RGS3: variants seen among roughly 807,000 people sequenced by gnomAD.
RGS3 encodes regulator of G-protein signalling 3.
In RGS3, 80 loss-of-function variants were observed where a neutral mutation model predicts 132.6. The ratio of observed to expected loss-of-function variants is 0.60; its 90% CI spans 0.50 to 0.73. The LOEUF is 0.73. Among genes scored for constraint, RGS3 ranks in the 30% least tolerant of loss-of-function variants. The pLI, the probability that RGS3 is intolerant of heterozygous loss-of-function variation, is 0.00. For synonymous variants in RGS3, 598 were observed against 620.6 expected, an observed-to-expected ratio of 0.96 and a Z score of 0.54; for missense variants, 1,382 against 1,530.8, an observed-to-expected ratio of 0.90 and a Z score of 1.62.
intron 19 of RGS3, among the ~76,000 whole-genome samples, chr9:113,541,100 G>C (rs1033545872): frequency 2.0e-5 from 3 of 152,198 alleles, no homozygotes; most frequent in Non-Finnish European, 4.4e-5. Flanking sequence ...GGCCCAGGCA[G>C]GGAAACTGAG....
chr9:113,463,708 C>T lies in RGS3; in HGVS notation c.415+1507C>T. 2.8e-6 allele frequency: 4 copies of T among 1,449,436 alleles called. No homozygotes were observed. Among genetic ancestry groups the T allele is most frequent in the Non-Finnish European group, 2.7e-6 (3 of 1,101,868 alleles). The allele number at this position is 1,449,436 out of a possible 1,614,324, so 89.8% of individuals were successfully genotyped here. On this transcript the variant is annotated intron_variant, in intron 3 of 24. Coordinates refer to ENST00000350696, the Ensembl canonical transcript of RGS3. The surrounding 1 kb of genome is among the most constrained non-coding windows in gnomAD (Gnocchi z 4.6). ...ACGCTTGGGGCAGCCCTACCTCCCG[C>T]TCGCGCTCCTCCCGCCCTGGAGACT... is the stretch of plus-strand genomic sequence containing the variant.
chr9:113,547,268 A>G (rs1833154112), intron 19 of RGS3, among the ~76,000 whole-genome samples: 1 of 152,222 alleles, frequency 6.6e-6, no homozygotes, highest in Non-Finnish European at 1.5e-5. Flanking sequence ...AACAGAGTGT[A>G]TGTGTATGGC....
chr9:113,509,117 C>G (rs182442168), intron 14 of RGS3, among the ~76,000 whole-genome samples: 7 of 152,056 alleles, frequency 4.6e-5, no homozygotes, highest in African/African-American at 1.7e-4. Context: ...AACCCCGTCT[C>G]TACTAAAAAT....
chr9:113,597,003 T>C, exon 25 of RGS3: 1 of 1,475,858 alleles, frequency 6.8e-7, no homozygotes, highest in Non-Finnish European at 9.2e-7. Flanking sequence ...CTGGGTCCCC[T>C]GCCCACCTGC....
intron 1 of RGS3, among the ~76,000 whole-genome samples, chr9:113,461,076 G>A (rs1377699367): frequency 6.6e-6 from 1 of 152,074 alleles, no homozygotes; most frequent in Non-Finnish European, 1.5e-5. Flanking sequence ...ATGTATGTGA[G>A]GTGTGTATGT....
chr9:113,541,151 T>C (rs1832884796), intron 19 of RGS3, among the ~76,000 whole-genome samples: 1 of 152,186 alleles, frequency 6.6e-6, no homozygotes, highest in African/African-American at 2.4e-5. Context: ...CTCCCAGATG[T>C]GACGGTGAGG....
At chr9:113,523,668 G>A (rs1444555480) in intron 17 of RGS3, among the ~76,000 whole-genome samples, 2 of 152,118 alleles carry the variant, frequency 1.3e-5, no homozygotes, top group Non-Finnish European at 2.9e-5. Flanking sequence ...TCGTGGGAGG[G>A]GAAGCCAGCT....
chr9:113,501,743 C>T (rs1830907776), intron 10 of RGS3: 17 of 1,111,578 alleles, frequency 1.5e-5, no homozygotes, highest in Non-Finnish European at 2.2e-5. Flanking sequence ...TTTCCTGCTC[C>T]CTGCAGGCTC....
chr9:113,519,677 T>G lies in RGS3; in HGVS notation c.1758+2053T>G, dbSNP rs538597687. ...CTTCTAGGGCAGCCCATTAGAGCAG[T>G]GGTTTTTTTTTTTACTGGGAAGGGC... is the stretch of plus-strand genomic sequence containing the variant. On this transcript the variant is annotated intron_variant, in intron 16 of 24. Coordinates refer to ENST00000350696, the Ensembl canonical transcript of RGS3. Among the ~76,000 whole-genome samples the G allele has an allele frequency of 2.0e-5, 3 of 146,366 alleles. No individual in the cohort carries two copies. In the East Asian group the frequency reaches 5.9e-4, roughly 29 times the overall value.
intron 19 of RGS3, chr9:113,541,168 C>A (rs1832885942): frequency 2.7e-6 from 2 of 738,844 alleles, no homozygotes; most frequent in Non-Finnish European, 4.4e-6. Flanking sequence ...GAGGTGCGTG[C>A]CACCTTGTCA....
At position 113,507,824 on chromosome 9, in the gene RGS3, A is replaced by G. The variant is rs1341784034; in HGVS notation, c.1437+186A>G. Reference sequence around the variant, plus strand: ...CTTGGTAGGGAGGACAGATGGGTCTATGTGGCCTCAGGGCACAGATTCAAG... The same window carrying G: ...CTTGGTAGGGAGGACAGATGGGTCTGTGTGGCCTCAGGGCACAGATTCAAG... On this transcript the variant is annotated intron_variant, in intron 13 of 24. Transcript: ENST00000350696. This position sits in a 1 kb window ranked among gnomAD's most constrained non-coding sequence, Gnocchi z 5.0. 1.3e-5 allele frequency among the ~76,000 whole-genome samples: 2 copies of G among 152,188 alleles called. No individual in the cohort carries two copies. Among genetic ancestry groups the G allele is most frequent in the East Asian group, 3.8e-4 (2 of 5,198 alleles).
At position 113,495,643 on chromosome 9, in the gene RGS3, G is replaced by A. The variant is rs532133013; in HGVS notation, c.690-143G>A. 45 of 718,542 alleles carry A rather than the reference G, an allele frequency of 6.3e-5. 1 individual carries two copies. In the South Asian group the frequency reaches 7.1e-4, roughly 11 times the overall value. 44.5% of individuals were successfully genotyped at this position (718,542 alleles called of 1,614,324 possible). A position where few individuals can be genotyped will look rare whatever the true frequency, so the allele number is the denominator to read the frequency against. The stretch of plus-strand genomic sequence containing the variant: ...GCTCCTCTCTATCCTGCCTCACAGA[G>A]TCAGAAGGATCAAACGAGATGATGT... On this transcript the variant is annotated intron_variant, in intron 7 of 24. Coordinates refer to ENST00000350696, the Ensembl canonical transcript of RGS3.
At chr9:113,532,927 G>T (rs910788522) in intron 18 of RGS3, among the ~76,000 whole-genome samples, 6 of 152,210 alleles carry the variant, frequency 3.9e-5, no homozygotes, top group African/African-American at 1.4e-4. Flanking sequence ...ATTTCTCCTG[G>T]AGGCTTTGCA....
rs538211934 is a variant in RGS3 at position 113,463,948 on chromosome 9, C to T, written c.415+1747C>T. ...TGCTCCCAGCGCCCAGAAACGCAGC[C>T]CCTCGTGGTGACAGGGGAGGCTGGG... On this transcript the variant is annotated intron_variant, in intron 3 of 24. Transcript: ENST00000350696. The surrounding 1 kb of genome is among the most constrained non-coding windows in gnomAD (Gnocchi z 4.6). 54 of 1,553,072 alleles carry T rather than the reference C, an allele frequency of 3.5e-5. No individual in the cohort carries two copies. The East Asian group carries it at 1.1e-3, about 33-fold the overall frequency.
Position 113,579,907 on chromosome 9 carries a change from T to C in RGS3, c.2038-3543T>C, listed in dbSNP as rs1391207133. On this transcript the variant is annotated intron_variant, in intron 19 of 24. Coordinates refer to ENST00000350696, the Ensembl canonical transcript of RGS3. The surrounding 1 kb of genome is among the most constrained non-coding windows in gnomAD (Gnocchi z 4.3). ...AGCTCTGCCTGTGGCATTTCGTTGC[T>C]CACAGGGCAAATCCCATGCCCACCA... Among the ~76,000 whole-genome samples the C allele has an allele frequency of 6.6e-6, 1 of 152,184 alleles. No individual in the cohort carries two copies. The highest frequency in any genetic ancestry group is 1.5e-5 in the Non-Finnish European group (1 of 68,032).
chr9:113,555,978 T>G (rs1833552026), intron 19 of RGS3, among the ~76,000 whole-genome samples: 1 of 152,166 alleles, frequency 6.6e-6, no homozygotes, highest in Non-Finnish European at 1.5e-5. Flanking sequence ...CCAGAAAGGG[T>G]CTGTGGGTGG....
intron 1 of RGS3, among the ~76,000 whole-genome samples, chr9:113,452,419 T>C (rs542649988): frequency 4.6e-5 from 7 of 151,992 alleles, no homozygotes; most frequent in Non-Finnish European, 8.8e-5. Context: ...ATGTGTAGTT[T>C]TTTTTTTTTT....
Position 113,497,386 on chromosome 9 carries a change from C to T in RGS3, c.823C>T (p.Arg275Ter), listed in dbSNP as rs56314278. The T allele has an allele frequency of 5.0e-5, 80 of 1,613,302 alleles. No homozygotes were observed. The highest frequency in any genetic ancestry group is 6.4e-5 in the Non-Finnish European group (76 of 1,179,816). Residue 275 changes from arginine (R) to a stop codon, truncating the protein, a stop_gained, in exon 9 of 25, where the codon CGA becomes TGA. Transcript: ENST00000350696. LOFTEE classifies it high-confidence loss of function. ...CAAGCACTTGAAGGTGGCCAGGCGG[C>T]GACTGCGGCCGCTGAGAGGTACCTG... is the stretch of plus-strand genomic sequence containing the variant.
At chr9:113,512,859 A>G (rs1057346217) in intron 14 of RGS3, among the ~76,000 whole-genome samples, 11 of 152,130 alleles carry the variant, frequency 7.2e-5, no homozygotes, top group Non-Finnish European at 1.2e-4. Context: ...CTTTTTAGCG[A>G]CTTTGTGTTT....
Sources: allele counts gnomAD v4.1 joint callset (sites outside exome capture counted in the v4.1 genomes callset), GRCh38; gene constraint gnomAD v4.1.1; non-coding constraint Gnocchi (gnomAD v3.1); transcripts MANE v1.5; gene names NCBI Gene and HGNC (gene_info 2026-07-23, HGNC 2026-07-21).